Variants in SERINC4 observed in about 807,000 individuals in gnomAD.
SERINC4 encodes the protein serine incorporator 4.
In SERINC4, 52 loss-of-function variants were observed where a neutral mutation model predicts 52.0. The ratio of observed to expected loss-of-function variants is 1.00; its 90% CI spans 0.80 to 1.26. The LOEUF (loss-of-function observed/expected upper bound fraction) is 1.26, where lower values mean the gene tolerates loss of function less well. SERINC4 is among the 50% of genes most tolerant of loss of function. The probability of loss-of-function intolerance (pLI) is 0.00; values close to 1 mark genes in which losing one functional copy is unlikely to be tolerated. For synonymous variants in SERINC4, 264 were observed against 247.7 expected, an observed-to-expected ratio of 1.07 and a Z score of -0.62; for missense variants, 723 against 632.8, an observed-to-expected ratio of 1.14 and a Z score of -1.53.
In SERINC4 at chr15:43,795,385, T is replaced by TA. The variant is rs777047886; in HGVS notation, c.1343+2dup. 1.9e-6 allele frequency: 3 copies of TA among 1,614,192 alleles called. No homozygotes were observed. ...AGAGTATCTAAGGCCCACTCCATCT[T>TA]ACCTGAACCAGTTGGTAAGGGTAAC... On this transcript the variant is annotated splice_region_variant and intron_variant, in intron 11 of 11. Transcript: ENST00000319327.
rs757852888 is a variant in SERINC4, at chr15:43,795,948, ATACC to A, written c.1140+203_1140+206del. ...TTTCTCCATTTGTAAAATGGAGCAA[ATACC>A]TACCTCACAGGGTTGTTGTGAGGGT... On this transcript the variant is annotated intron_variant, in intron 9 of 11. Coordinates refer to ENST00000319327, the MANE Select transcript of SERINC4 (RefSeq NM_001258031.2). 1.0e-4 allele frequency: 67 copies of A among 642,674 alleles called. 2 individuals are homozygous for A. The South Asian group carries it at 1.3e-3, about 12-fold the overall frequency. 39.8% of individuals were successfully genotyped at this position (642,674 alleles called of 1,614,324 possible).
At chr15:43,798,625 T>C in intron 3 of SERINC4, 121 bp from the exon 4 acceptor site, 2 of 747,964 alleles carry the variant, frequency 2.7e-6, no homozygotes, top group Non-Finnish European at 4.6e-6. Context: ...ACGAGACAAC[T>C]AAGGAGGAAC....
intron 9 of SERINC4, 91 bp downstream of exon 9, chr15:43,796,059 ATAATC>A: frequency 2.2e-6 from 2 of 902,486 alleles, no homozygotes; most frequent in South Asian, 2.8e-5. Flanking sequence ...AACAGCAGCT[ATAATC>A]TGAGCATTCT....
intron 8 of SERINC4, 116 bp downstream of exon 8, chr15:43,796,500 T>G: frequency 8.5e-7 from 1 of 1,180,660 alleles, no homozygotes; most frequent in Non-Finnish European, 1.2e-6. Context: ...TGGGGAGCTT[T>G]TCTCACTCTA....
intron 6 of SERINC4, 35 bp downstream of exon 6, chr15:43,797,110 C>T (rs555778379): frequency 2.6e-6 from 4 of 1,541,004 alleles, no homozygotes; most frequent in East Asian, 2.4e-5. Flanking sequence ...TTTTAAGGCC[C>T]CCAAAACCTG....
In SERINC4 at chr15:43,797,909, G is replaced by A. The variant is rs1369189245; in HGVS notation, c.632+11C>T. 11 of 1,599,042 alleles carry A rather than the reference G, an allele frequency of 6.9e-6. No homozygotes were observed. The highest frequency in any genetic ancestry group is 9.4e-6 in the Non-Finnish European group (11 of 1,166,426). The stretch of plus-strand genomic sequence containing the variant: ...CCCCAGGAAAAGCCTTTAGGGTTAT[G>A]TGCCCCTTACCAGTTCTTGTTCCAG... On this transcript the variant is annotated intron_variant, in intron 5 of 11. Coordinates refer to ENST00000319327, the MANE Select transcript of SERINC4 (RefSeq NM_001258031.2).
rs2087169849 is a variant in SERINC4 at position 43,794,995 on chromosome 15, AGGACTT to A, written c.1556_*4del. The A allele has an allele frequency of 6.2e-7, 1 of 1,600,530 alleles. No individual in the cohort carries two copies. The highest frequency in any genetic ancestry group is 1.7e-5 in the Admixed American group (1 of 58,626). On this transcript the variant is annotated stop_lost and 3_prime_UTR_variant, in exon 12 of 12. Coordinates refer to ENST00000319327, the MANE Select transcript of SERINC4 (RefSeq NM_001258031.2). ...GTCAGGGGAACCCCAGTTTGTGAAA[AGGACTT>A]AGACTGGAGGATATTTGTTATCTGG...
At position 43,796,852 on chromosome 15, in the gene SERINC4, T is replaced by G. The variant is rs747617639; in HGVS notation, c.933A>C (p.Pro311=). Residue 311 remains proline (P), a synonymous_variant, in exon 7 of 12, where the codon CCA becomes CCC. Coordinates refer to ENST00000319327, the MANE Select transcript of SERINC4 (RefSeq NM_001258031.2). Reference sequence around the variant, plus strand: ...CCAGGTCCTGTCCCTTACCTCTCTCTGGAGGACGGCTGGACAGTGCAGAGA... The same window carrying G: ...CCAGGTCCTGTCCCTTACCTCTCTCGGGAGGACGGCTGGACAGTGCAGAGA... The part of the protein sequence containing the change: ...LTFSALSSRP[P]ERVILQGQNH... 6.2e-7 allele frequency: 1 copy of G among 1,614,040 alleles called. No individual in the cohort carries two copies. The highest frequency in any genetic ancestry group is 8.5e-7 in the Non-Finnish European group (1 of 1,179,890).
rs1333801835 is a variant in SERINC4, at chr15:43,799,078, G to A, written c.339C>T (p.Leu113=). ...CTCGGTACACAGCCCCAGAGCCACT[G>A]AGCACTGGACAGTCAGAGAGGCCAA... ...HLFGLSDCPV[L]SGSGAVYRVC... The change falls in exon 3 of 12, where the codon CTC becomes CTT. Residue 113 remains leucine, a synonymous_variant. Coordinates refer to ENST00000319327, the MANE Select transcript of SERINC4 (RefSeq NM_001258031.2). The A allele has an allele frequency of 1.3e-6, 2 of 1,550,418 alleles. No homozygotes were observed. The highest frequency in any genetic ancestry group is 1.7e-6 in the Non-Finnish European group (2 of 1,146,934).
rs1407658051 is a variant in SERINC4, at chr15:43,796,483, CTGTT to C, written c.1067+129_1067+132del. ...AAAGTACTATTCTTAGAATTTGTCC[CTGTT>C]TGTGGGGAGCTTTTCTCACTCTAGT... is the stretch of plus-strand genomic sequence containing the variant. On this transcript the variant is annotated intron_variant, in intron 8 of 11. Coordinates refer to ENST00000319327, the MANE Select transcript of SERINC4 (RefSeq NM_001258031.2). The C allele has an allele frequency of 3.0e-6, 3 of 997,600 alleles. No individual in the cohort carries two copies. In the Admixed American group the frequency reaches 6.6e-5, roughly 22 times the overall value. 61.8% of individuals were successfully genotyped at this position (997,600 alleles called of 1,614,324 possible).
chr15:43,798,382 A>C, intron 4 of SERINC4, 43 bp downstream of exon 4: 1 of 1,452,414 alleles, frequency 6.9e-7, no homozygotes, highest in Non-Finnish European at 9.7e-7. Context: ...GTTATCTTAG[A>C]AAACTTAGCC....
In SERINC4 at chr15:43,799,996, A is replaced by T. The variant is rs1416811639; in HGVS notation, c.-10T>A. 6 of 1,524,276 alleles carry T rather than the reference A, an allele frequency of 3.9e-6. No individual in the cohort carries two copies. In the East Asian group the frequency reaches 1.5e-4, roughly 37 times the overall value. 94.4% of individuals were successfully genotyped at this position (1,524,276 alleles called of 1,614,324 possible). A position where few individuals can be genotyped will look rare whatever the true frequency, so the allele number is the denominator to read the frequency against. On this transcript the variant is annotated 5_prime_UTR_variant, in exon 1 of 12. Coordinates refer to ENST00000319327, the MANE Select transcript of SERINC4 (RefSeq NM_001258031.2). ...CCTTGGCACCCACCATCCTTGTCCCAGGGATTAGGCTTAGGTCCACCAGAT... is the reference window on the plus strand; with the variant it reads ...CCTTGGCACCCACCATCCTTGTCCCTGGGATTAGGCTTAGGTCCACCAGAT...
In SERINC4 at chr15:43,799,457, G is replaced by A. The variant is rs1464970711; in HGVS notation, c.132C>T (p.Ala44=). 6.4e-7 allele frequency: 1 copy of A among 1,550,720 alleles called. No individual in the cohort carries two copies. The highest frequency in any genetic ancestry group is 8.7e-7 in the Non-Finnish European group (1 of 1,147,020). Residue 44 remains alanine, a synonymous_variant, in exon 2 of 12, where the codon GCC becomes GCT. Transcript: ENST00000319327. ...QVCCCGPAPC[A]SCCHSRWPSL... ...AGGGCCACCTAGAGTGGCAGCAGCT[G>A]GCACAAGGAGCAGGCCCACAGCAGC... is the stretch of plus-strand genomic sequence containing the variant.
Position 43,795,114 on chromosome 15 carries a change from C to G in SERINC4, c.1443G>C (p.Leu481=). ...ASCWACVLLY[L]GLLLAPLCWP... The stretch of plus-strand genomic sequence containing the variant: ...AACAGAGTGGTGCCAGTAACAGCCC[C>G]AGATAGAGGAGTACGCAGGCCCAGC... The change falls in exon 12 of 12, where the codon CTG becomes CTC. Residue 481 remains leucine, a synonymous_variant. Coordinates refer to ENST00000319327, the MANE Select transcript of SERINC4 (RefSeq NM_001258031.2). The G allele has an allele frequency of 6.2e-7, 1 of 1,614,054 alleles. No individual in the cohort carries two copies. Among genetic ancestry groups the G allele is most frequent in the African/African-American group, 1.3e-5 (1 of 75,020 alleles).
chr15:43,796,359 T>A (rs2087216001), intron 8 of SERINC4, 132 bp from the exon 9 acceptor site: 1 of 779,284 alleles, frequency 1.3e-6, no homozygotes, highest in Non-Finnish European at 2.1e-6. Context: ...CACCAAAGAT[T>A]TAGAATTCTA....
In SERINC4 at chr15:43,797,281, T is replaced by G. The variant is rs1327475763; in HGVS notation, c.708A>C (p.Ala236=). The change falls in exon 6 of 12, where the codon GCA becomes GCC. Residue 236 remains alanine (A), a synonymous_variant. Coordinates refer to ENST00000319327, the MANE Select transcript of SERINC4 (RefSeq NM_001258031.2). ...GGAATAGGAGCACAGCTCCCACACC[T>G]GCCATGCTGTAGAATCCTAGGGTGG... ...LLATLGFYSM[A]GVGAVLLFHY... is the part of the protein sequence containing the mutation. The G allele has an allele frequency of 1.3e-6, 2 of 1,549,956 alleles. No individual in the cohort carries two copies. Among genetic ancestry groups the G allele is most frequent in the Non-Finnish European group, 1.7e-6 (2 of 1,146,950 alleles).
rs2087288198 is a variant in SERINC4 at position 43,799,982 on chromosome 15, A to C, written c.5T>G (p.Val2Gly). 2.6e-6 allele frequency: 4 copies of C among 1,535,760 alleles called. No individual in the cohort carries two copies. Among genetic ancestry groups the C allele is most frequent in the African/African-American group, 1.4e-5 (1 of 72,314 alleles). The change falls in exon 1 of 12, where the codon GTG (valine) becomes GGG (glycine). Residue 2 changes from valine to glycine, a missense_variant. Physicochemically the swap from Val to Gly is moderately radical, Grantham distance 109. Coordinates refer to ENST00000319327, the MANE Select transcript of SERINC4 (RefSeq NM_001258031.2). M[V>G]GAKAGPSPGT... Reference sequence around the variant, plus strand: ...GGGGCTGGGGCCGGCCTTGGCACCCACCATCCTTGTCCCAGGGATTAGGCT... The same window carrying C: ...GGGGCTGGGGCCGGCCTTGGCACCCCCCATCCTTGTCCCAGGGATTAGGCT...
chr15:43,798,185 G>A, intron 4 of SERINC4, 172 bp from the exon 5 acceptor site: 1 of 619,096 alleles, frequency 1.6e-6, no homozygotes, highest in South Asian at 1.9e-5. Context: ...GAGCAGCTGG[G>A]ATTACAGGTG....
Position 43,799,043 on chromosome 15 carries a change from C to A in SERINC4, c.374G>T (p.Gly125Val), listed in dbSNP as rs979567492. ...CTGCAGCAGGTGGAAGGTGGCGGTT[C>A]CTGCACATACTCGGTACACAGCCCC... ...GSGAVYRVCA[G>V]TATFHLLQAV... is the part of the protein sequence containing the mutation. Residue 125 changes from glycine (G) to valine (V), a missense_variant, in exon 3 of 12, where the codon GGA (glycine) becomes GTA (valine). Transcript: ENST00000319327. 1 of 1,550,386 alleles carries A rather than the reference C, an allele frequency of 6.5e-7. No homozygotes were observed. Among genetic ancestry groups the A allele is most frequent in the African/African-American group, 1.4e-5 (1 of 72,970 alleles).
Sources: allele counts gnomAD v4.1 joint callset, GRCh38; gene constraint gnomAD v4.1.1; transcripts MANE v1.5; gene names NCBI Gene and HGNC (gene_info 2026-07-23, HGNC 2026-07-21).